Variants in PHKB observed in about 807,000 individuals in gnomAD.
The protein encoded by PHKB is phosphorylase b kinase regulatory subunit beta.
PHKB carries 122 observed loss-of-function variants against 152.1 expected under a neutral mutation model. The ratio of observed to expected loss-of-function variants is 0.80; its 90% CI spans 0.69 to 0.93. The LOEUF is 0.93. Ranked by LOEUF, PHKB falls within the 40% of genes least tolerant of loss-of-function variation. The pLI is 0.00. For missense variants in PHKB, 1,304 were observed against 1,328.4 expected, an observed-to-expected ratio of 0.98 and a Z score of 0.29; for synonymous variants, 436 against 464.9, an observed-to-expected ratio of 0.94 and a Z score of 0.80.
Position 47,669,508 on chromosome 16 carries a change from T to C in PHKB, c.2630+91T>C, listed in dbSNP as rs1030410242. On this transcript the variant is annotated intron_variant, in intron 26 of 30. Coordinates refer to ENST00000323584, the MANE Select transcript of PHKB (RefSeq NM_000293.3). ...TCTCCAAGTGAAGCAATGTTCCTGG[T>C]GTCTGGTGAGTATTCAGCAAAGAGC... 1.8e-6 allele frequency: 2 copies of C among 1,139,820 alleles called. 1 individual carries two copies. The highest frequency in any genetic ancestry group is 2.7e-6 in the Non-Finnish European group (2 of 751,030). The allele number at this position is 1,139,820 out of a possible 1,614,324, so 70.6% of individuals were successfully genotyped here.
chr16:47,643,639 A>G (rs544001871), intron 16 of PHKB, among the ~76,000 whole-genome samples: 1 of 152,310 alleles, frequency 6.6e-6, no homozygotes, highest in Non-Finnish European at 1.5e-5. Context: ...ATACTAAGAT[A>G]TATTGCCTAG....
intron 2 of PHKB, among the ~76,000 whole-genome samples, chr16:47,499,285 G>A (rs144164744): frequency 1.3e-4 from 20 of 152,186 alleles, no homozygotes; most frequent in Middle Eastern, 6.8e-3. Context: ...TCTTCCCCTC[G>A]CCCTTCCTAC....
chr16:47,571,765 A>G (rs1971663035), intron 7 of PHKB, among the ~76,000 whole-genome samples: 1 of 152,180 alleles, frequency 6.6e-6, no homozygotes, highest in Non-Finnish European at 1.5e-5. Flanking sequence ...CCACTGCTAG[A>G]GTAGAACCTT....
Position 47,532,697 on chromosome 16 carries a change from C to T in PHKB, c.595-14736C>T, listed in dbSNP as rs531279803. ...TGGGGAATGCAGTGGCACCCAGAAG[C>T]TTGGAGATGTCAGGAACCACAGGAC... On this transcript the variant is annotated intron_variant, in intron 6 of 30. Coordinates refer to ENST00000323584, the MANE Select transcript of PHKB (RefSeq NM_000293.3). Among the ~76,000 whole-genome samples, 17 of 152,336 alleles carry T rather than the reference C, an allele frequency of 1.1e-4. No individual in the cohort carries two copies. The East Asian group carries it at 3.3e-3, about 29-fold the overall frequency.
chr16:47,576,084 A>G (rs1165935850), intron 7 of PHKB, among the ~76,000 whole-genome samples: 3 of 152,156 alleles, frequency 2.0e-5, no homozygotes, highest in Non-Finnish European at 4.4e-5. Flanking sequence ...CTCAAAAAAC[A>G]AAACAAAACA....
chr16:47,672,560 G>T (rs548112288), intron 26 of PHKB, among the ~76,000 whole-genome samples: 1 of 152,216 alleles, frequency 6.6e-6, no homozygotes, highest in South Asian at 2.1e-4. Flanking sequence ...GCCTTTTCAA[G>T]TGACAGCCAT....
At chr16:47,554,732 G>A (rs536958621) in intron 7 of PHKB, among the ~76,000 whole-genome samples, 4 of 152,090 alleles carry the variant, frequency 2.6e-5, no homozygotes, top group African/African-American at 7.2e-5. Context: ...ATCGTTCCTC[G>A]CAGCATAGTC....
chr16:47,482,123 C>T (rs187975451), intron 1 of PHKB, among the ~76,000 whole-genome samples: 12 of 152,312 alleles, frequency 7.9e-5, no homozygotes, highest in Admixed American at 2.0e-4. Context: ...GGTCAGTTAA[C>T]GATTATACTA....
chr16:47,502,235 C>A (rs1970335601), intron 3 of PHKB, among the ~76,000 whole-genome samples: 1 of 152,004 alleles, frequency 6.6e-6, no homozygotes, highest in Non-Finnish European at 1.5e-5. Context: ...GTGGGTGATT[C>A]TCATCCACCT....
intron 14 of PHKB, among the ~76,000 whole-genome samples, chr16:47,638,126 C>T (rs1323616388): frequency 6.6e-6 from 1 of 152,080 alleles, no homozygotes; most frequent in Admixed American, 6.6e-5. Flanking sequence ...GGAACATGCA[C>T]ATTCAGACCA....
rs148158148 is a variant in PHKB, at chr16:47,464,248, A to G, written c.76+2822A>G. 2.9e-3 allele frequency: 1,458 copies of G among 506,604 alleles called. 25 individuals carry two copies. Among genetic ancestry groups the G allele is most frequent in the African/African-American group, 0.026 (1,341 of 51,884 alleles). 31.4% of individuals were successfully genotyped at this position (506,604 alleles called of 1,614,324 possible). On this transcript the variant is annotated intron_variant, in intron 1 of 30. Transcript: ENST00000323584. Reference sequence around the variant, plus strand: ...TATTTGCAAGCAGAGGCAGTTCCTTAGTGTCTGGGAGCTCCCATTGTCAAA... The same window carrying G: ...TATTTGCAAGCAGAGGCAGTTCCTTGGTGTCTGGGAGCTCCCATTGTCAAA...
At chr16:47,519,431 T>A (rs1423516310) in intron 6 of PHKB, among the ~76,000 whole-genome samples, 1 of 152,216 alleles carries the variant, frequency 6.6e-6, no homozygotes, top group Non-Finnish European at 1.5e-5. Context: ...GCACTTAAGA[T>A]GTCAGCTGGC....
chr16:47,685,345 A>C (rs553906163), intron 26 of PHKB, among the ~76,000 whole-genome samples: 1 of 152,278 alleles, frequency 6.6e-6, no homozygotes, highest in Non-Finnish European at 1.5e-5. Flanking sequence ...GAATCACTTT[A>C]ACCTGGGAGC....
intron 9 of PHKB, 41 bp downstream of exon 9, chr16:47,587,804 T>A: frequency 1.5e-6 from 2 of 1,362,444 alleles, no homozygotes; most frequent in Non-Finnish European, 2.1e-6. Context: ...TGAACTATTG[T>A]TTATGATTTC....
chr16:47,599,165 G>A (rs1039118102), intron 13 of PHKB, among the ~76,000 whole-genome samples: 4 of 152,200 alleles, frequency 2.6e-5, no homozygotes, highest in African/African-American at 9.7e-5. Flanking sequence ...TAGAGTACTA[G>A]TTAACTTATG....
At chr16:47,656,296 C>T (rs1000880840) in intron 20 of PHKB, among the ~76,000 whole-genome samples, 2 of 152,144 alleles carry the variant, frequency 1.3e-5, no homozygotes, top group African/African-American at 2.4e-5. Context: ...GGATTACAGG[C>T]GTGAGCCACC....
At chr16:47,503,150 G>C in intron 4 of PHKB, 60 bp downstream of exon 4, 1 of 1,075,486 alleles carries the variant, frequency 9.3e-7, no homozygotes, top group Non-Finnish European at 1.4e-6. Flanking sequence ...AATTTAACTA[G>C]TATCGCAATG....
intron 7 of PHKB, chr16:47,565,819 T>C: frequency 2.1e-6 from 3 of 1,432,562 alleles, no homozygotes; most frequent in Non-Finnish European, 2.9e-6. Flanking sequence ...ATGGGCTTTG[T>C]CCCTCCAAAG....
intron 4 of PHKB, 130 bp from the exon 5 acceptor site, chr16:47,511,535 G>A (rs1427167354): frequency 3.2e-5 from 22 of 696,964 alleles, no homozygotes; most frequent in East Asian, 1.6e-4. Context: ...AAAAGGTAAC[G>A]TTTCTGCTTT....
Sources: gnomAD v4.1 joint callset for allele counts (sites outside exome capture counted in the v4.1 genomes callset) on GRCh38, gnomAD v4.1.1 for gene constraint, MANE v1.5 for transcripts, NCBI Gene and HGNC (gene_info 2026-07-23, HGNC 2026-07-21) for gene names.